GRIK1: variants seen among roughly 807,000 people sequenced by gnomAD.
GRIK1 encodes glutamate ionotropic receptor kainate type subunit 1.
Under a neutral mutation model 105.7 loss-of-function variants are expected in GRIK1, and 69 were observed. The observed-to-expected ratio is 0.65, with a 90% CI of 0.54 to 0.80. The LOEUF (loss-of-function observed/expected upper bound fraction) is 0.80. Among genes scored for constraint, GRIK1 ranks in the 30% least tolerant of loss-of-function variants. The pLI is 0.00. For missense variants in GRIK1, 1,109 were observed against 1,167.3 expected, an observed-to-expected ratio of 0.95 and a Z score of 0.73; for synonymous variants, 438 against 431.3, an observed-to-expected ratio of 1.02 and a Z score of -0.19.
chr21:29,646,470 G>GT (rs5843397), intron 6 of GRIK1, among the ~76,000 whole-genome samples: 7,311 of 152,270 alleles, frequency 0.048, 266 homozygotes, highest in Non-Finnish European at 0.073. Flanking sequence ...ATCTGTCATT[G>GT]TGAGTATAAC....
intron 16 of GRIK1, among the ~76,000 whole-genome samples, chr21:29,554,747 G>T (rs1232716705): frequency 4.6e-5 from 7 of 152,004 alleles, no homozygotes; most frequent in Non-Finnish European, 1.0e-4. Context: ...TCCATCTAGG[G>T]TTTCTATCTT....
Position 29,555,302 on chromosome 21 carries a change from C to T in GRIK1, c.2357G>A (p.Gly786Asp), listed in dbSNP as rs1327752717. 6.2e-7 allele frequency: 1 copy of T among 1,612,216 alleles called. No individual in the cohort carries two copies. Among genetic ancestry groups the T allele is most frequent in the Non-Finnish European group, 8.5e-7 (1 of 1,179,178 alleles). ...SKGYGVGTPI[G>D]SPYRDKITIA... The stretch of plus-strand genomic sequence containing the variant: ...AGTAATTTTATCCCGGTAAGGAGAA[C>T]CTGGAAGTAAAACCATCTGGATATT... The change falls in exon 16 of 18, where the codon GGT becomes GAT. Residue 786 changes from glycine (G) to aspartate (D), a missense_variant and splice_region_variant. Gly to Asp is a moderately conservative substitution (Grantham distance 94, BLOSUM62 -1). Around this residue, in one of 5 missense-constraint regions of GRIK1, gnomAD observed 264 missense variants for 306.9 expected, o/e 0.86. Coordinates refer to ENST00000327783, the MANE Select transcript of GRIK1 (RefSeq NM_001330994.2).
chr21:29,629,043 G>C (rs1191668459), intron 7 of GRIK1, among the ~76,000 whole-genome samples: 2 of 152,158 alleles, frequency 1.3e-5, no homozygotes, highest in Non-Finnish European at 2.9e-5. Context: ...TAGGTACTAA[G>C]TGAATAAAAT....
intron 1 of GRIK1, among the ~76,000 whole-genome samples, chr21:29,761,914 T>C (rs925054639): frequency 6.6e-6 from 1 of 152,084 alleles, no homozygotes; most frequent in African/African-American, 2.4e-5. Flanking sequence ...GCCTGGCTAA[T>C]TTTTTGTATT....
intron 1 of GRIK1, among the ~76,000 whole-genome samples, chr21:29,858,872 C>T (rs1461475613): frequency 6.6e-6 from 1 of 151,668 alleles, no homozygotes; most frequent in East Asian, 2.0e-4. Context: ...GCACACCTCC[C>T]CACAGGATCA....
At chr21:29,856,722 G>A (rs899399324) in intron 1 of GRIK1, among the ~76,000 whole-genome samples, 1 of 152,162 alleles carries the variant, frequency 6.6e-6, no homozygotes, top group African/African-American at 2.4e-5. Flanking sequence ...ATTTTCAGAT[G>A]ATGATAAATG....
chr21:29,844,686 CCT>C (rs1308954588), intron 1 of GRIK1, among the ~76,000 whole-genome samples: 5 of 152,110 alleles, frequency 3.3e-5, no homozygotes, highest in African/African-American at 1.2e-4. Flanking sequence ...CATTCAATAC[CCT>C]CACATATATT....
At chr21:29,674,253 A>G (rs2146650483) in intron 3 of GRIK1, among the ~76,000 whole-genome samples, 1 of 140,180 alleles carries the variant, frequency 7.1e-6, no homozygotes, top group East Asian at 2.1e-4. Context: ...TGTTTTATTT[A>G]TGTAGCTATT....
rs2063201209 is a variant in GRIK1 at position 29,673,586 on chromosome 21, C to G, written c.545-422G>C. The stretch of plus-strand genomic sequence containing the variant: ...GGAGATTTGTCTAGGCTATAAACTT[C>G]TGTAAGCCTTTTATTAAGTATTTAT... On this transcript the variant is annotated intron_variant, in intron 3 of 17. Coordinates refer to ENST00000327783, the MANE Select transcript of GRIK1 (RefSeq NM_001330994.2). 7.2e-5 allele frequency among the ~76,000 whole-genome samples: 11 copies of G among 152,204 alleles called. No individual in the cohort carries two copies. The South Asian group carries it at 2.3e-3, about 31-fold the overall frequency.
At chr21:29,583,236 A>G (rs1969317728) in intron 12 of GRIK1, among the ~76,000 whole-genome samples, 1 of 152,120 alleles carries the variant, frequency 6.6e-6, no homozygotes, top group African/African-American at 2.4e-5. Context: ...TTAATGTTTC[A>G]ACAATATAAT....
At chr21:29,834,688 T>C (rs2067733075) in intron 1 of GRIK1, among the ~76,000 whole-genome samples, 1 of 151,292 alleles carries the variant, frequency 6.6e-6, no homozygotes. Context: ...TTATACATCA[T>C]AGTTCTTGAA....
rs369104297 is a variant in GRIK1 at position 29,553,615 on chromosome 21, A to C, written c.2607+1437T>G. On this transcript the variant is annotated intron_variant, in intron 16 of 17. Coordinates refer to ENST00000327783, the MANE Select transcript of GRIK1 (RefSeq NM_001330994.2). Reference sequence around the variant, plus strand: ...CTCTCTCCTCTCGAATTAATTTACCACATTCTAAATCCGTAGATAAAGTAG... The same window carrying C: ...CTCTCTCCTCTCGAATTAATTTACCCCATTCTAAATCCGTAGATAAAGTAG... 3.7e-6 allele frequency: 6 copies of C among 1,609,146 alleles called. No individual in the cohort carries two copies. The African/African-American group carries it at 4.0e-5, about 11-fold the overall frequency.
At chr21:29,589,743 C>A (rs1201480428) in intron 10 of GRIK1, among the ~76,000 whole-genome samples, 1 of 152,092 alleles carries the variant, frequency 6.6e-6, no homozygotes, top group Non-Finnish European at 1.5e-5. Flanking sequence ...ATCTAAGAAC[C>A]TCATGACAGA....
At position 29,903,331 on chromosome 21, in the gene GRIK1, C is replaced by T. The variant is rs575207661; in HGVS notation, c.118+36052G>A. Among the ~76,000 whole-genome samples the T allele has an allele frequency of 3.9e-5, 6 of 152,300 alleles. No individual in the cohort carries two copies. In the South Asian group the frequency reaches 1.2e-3, roughly 32 times the overall value. On this transcript the variant is annotated intron_variant, in intron 1 of 17. Coordinates refer to ENST00000327783, the MANE Select transcript of GRIK1 (RefSeq NM_001330994.2). ...TCTGCACAGCAAAAGAAATTATCAT[C>T]AGAGTGAACAGGCAACTTACAGAAT... is the stretch of plus-strand genomic sequence containing the variant.
intron 1 of GRIK1, among the ~76,000 whole-genome samples, chr21:29,888,197 CTCT>C (rs2069731500): frequency 6.3e-4 from 14 of 22,302 alleles, no homozygotes; most frequent in Non-Finnish European, 1.3e-3. Flanking sequence ...TTCTTTCTTT[CTCT>C]CTCTCTCTCT....
At chr21:29,769,624 C>T (rs1424104499) in intron 1 of GRIK1, among the ~76,000 whole-genome samples, 3 of 152,130 alleles carry the variant, frequency 2.0e-5, no homozygotes, top group African/African-American at 4.8e-5. Context: ...TGGTAATGCT[C>T]ACTTACCCGC....
intron 1 of GRIK1, among the ~76,000 whole-genome samples, chr21:29,710,721 TTGTTA>T (rs1469984369): frequency 6.6e-6 from 1 of 152,104 alleles, no homozygotes; most frequent in Non-Finnish European, 1.5e-5. Context: ...GCTACCATTA[TTGTTA>T]TATTTTTCTT....
intron 1 of GRIK1, among the ~76,000 whole-genome samples, chr21:29,888,209 C>T (rs371725971): frequency 0.02 from 1,777 of 87,910 alleles, 182 homozygotes; most frequent in Non-Finnish European, 0.026. Context: ...CTCTCTCTCT[C>T]TCTCTCTCTC....
chr21:29,662,211 T>C (rs2062979024), intron 4 of GRIK1, among the ~76,000 whole-genome samples: 1 of 152,198 alleles, frequency 6.6e-6, no homozygotes, highest in Non-Finnish European at 1.5e-5. Context: ...ATGATCCTAC[T>C]AGAAGAGCCA....
Sources: allele counts gnomAD v4.1 joint callset (sites outside exome capture counted in the v4.1 genomes callset), GRCh38; gene constraint gnomAD v4.1.1; regional missense constraint gnomAD v4.1.1; transcripts MANE v1.5; gene names NCBI Gene and HGNC (gene_info 2026-07-23, HGNC 2026-07-21).